ARHGEF38: variants seen among roughly 807,000 people sequenced by gnomAD.
ARHGEF38 encodes the protein Rho guanine nucleotide exchange factor 38.
Under a neutral mutation model 79.9 loss-of-function variants are expected in ARHGEF38, and 79 were observed. The ratio of observed to expected loss-of-function variants is 0.99; its 90% CI spans 0.82 to 1.19. The LOEUF is 1.19. Ranked by LOEUF, ARHGEF38 falls within the 50% of genes most tolerant of loss-of-function variation. The pLI, the probability that ARHGEF38 is intolerant of heterozygous loss-of-function variation, is 0.00. For missense variants in ARHGEF38, 962 were observed against 907.2 expected, an observed-to-expected ratio of 1.06 and a Z score of -0.78; for synonymous variants, 366 against 328.3, an observed-to-expected ratio of 1.11 and a Z score of -1.24.
intron 2 of ARHGEF38, among the ~76,000 whole-genome samples, chr4:105,608,498 A>C: frequency 6.6e-6 from 1 of 152,092 alleles, no homozygotes; most frequent in East Asian, 1.9e-4. Context: ...ACAAATATAC[A>C]ATGTGCAATG....
chr4:105,576,564 G>A (rs1444488504), intron 1 of ARHGEF38, among the ~76,000 whole-genome samples: 2 of 152,072 alleles, frequency 1.3e-5, no homozygotes, highest in African/African-American at 2.4e-5. Context: ...AAATCTAAGA[G>A]TCTTTTGAAG....
rs965862737 is a variant in ARHGEF38, at chr4:105,580,268, G to T, written c.197-8980G>T. ...GTGTCTTCTGCTAGCTTGGAGGTTG[G>T]TTTGCTCTTCCTTCTTTAGCTCTTT... is the stretch of plus-strand genomic sequence containing the variant. On this transcript the variant is annotated intron_variant, in intron 1 of 13. Transcript: ENST00000420470. Among the ~76,000 whole-genome samples, 9 of 152,148 alleles carry T rather than the reference G, an allele frequency of 5.9e-5. 1 individual carries two copies. The South Asian group carries it at 1.9e-3, about 32-fold the overall frequency.
chr4:105,607,586 T>G (rs1313188953), intron 2 of ARHGEF38, among the ~76,000 whole-genome samples: 1 of 152,024 alleles, frequency 6.6e-6, no homozygotes, highest in Non-Finnish European at 1.5e-5. Context: ...ATAAATAGAA[T>G]AGAATGGGCT....
At chr4:105,581,041 A>G (rs1726764409) in intron 1 of ARHGEF38, among the ~76,000 whole-genome samples, 1 of 152,084 alleles carries the variant, frequency 6.6e-6, no homozygotes, top group African/African-American at 2.4e-5. Context: ...ACTGTAAGGA[A>G]GAAGCATTAT....
rs143312795 is a variant in ARHGEF38 at position 105,652,932 on chromosome 4, C to A, written c.1009-1133C>A. ...GATACATTGAGTTCTAATATCAACC[C>A]TCTTAAATTTAAAAACAGATGAACC... On this transcript the variant is annotated intron_variant, in intron 7 of 13. Coordinates refer to ENST00000420470, the MANE Select transcript of ARHGEF38 (RefSeq NM_001242729.2). Among the ~76,000 whole-genome samples the A allele has an allele frequency of 2.6e-3, 394 of 152,190 alleles. 2 individuals are homozygous for A. The highest frequency in any genetic ancestry group is 8.9e-3 in the African/African-American group (370 of 41,518).
rs566367831 is a variant in ARHGEF38 at position 105,593,820 on chromosome 4, GT to G, written c.384+4387del. Among the ~76,000 whole-genome samples, 851 of 152,222 alleles carry G rather than the reference GT, an allele frequency of 5.6e-3. 11 individuals are homozygous for G. The highest frequency in any genetic ancestry group is 0.019 in the African/African-American group (796 of 41,538). On this transcript the variant is annotated intron_variant, in intron 2 of 13. Transcript: ENST00000420470. Reference sequence around the variant, plus strand: ...GCTTCCTATGAAACTCTTATAAGCAGTTCTCAGAATTGGTGTCTTAGACCAT... The same window carrying G: ...GCTTCCTATGAAACTCTTATAAGCAGTCTCAGAATTGGTGTCTTAGACCAT...
At position 105,597,784 on chromosome 4, in the gene ARHGEF38, G is replaced by A. The variant is rs532915976; in HGVS notation, c.384+8349G>A. Among the ~76,000 whole-genome samples, 31 of 152,290 alleles carry A rather than the reference G, an allele frequency of 2.0e-4. No individual in the cohort carries two copies. In the Middle Eastern group the frequency reaches 0.01, roughly 50 times the overall value. ...GGATGTTAGCCTTGGGGGAAACTTG[G>A]TAAAGGGTACATGGATCTCTCTGTT... On this transcript the variant is annotated intron_variant, in intron 2 of 13. Coordinates refer to ENST00000420470, the MANE Select transcript of ARHGEF38 (RefSeq NM_001242729.2).
intron 2 of ARHGEF38, among the ~76,000 whole-genome samples, chr4:105,591,331 C>G (rs1727324856): frequency 6.6e-6 from 1 of 152,136 alleles, no homozygotes; most frequent in Non-Finnish European, 1.5e-5. Context: ...CGGGTTCATG[C>G]CATTCTCCTG....
In ARHGEF38 at chr4:105,594,827, A is replaced by G. The variant is rs183967727; in HGVS notation, c.384+5392A>G. ...AACTCAGCAGTTACACATCTTCTTT[A>G]ATAGCAGCACTGTGAGAGGTTTTGC... is the stretch of plus-strand genomic sequence containing the variant. On this transcript the variant is annotated intron_variant, in intron 2 of 13. Transcript: ENST00000420470. 4.7e-3 allele frequency among the ~76,000 whole-genome samples: 714 copies of G among 152,308 alleles called. 6 individuals are homozygous for G. The highest frequency in any genetic ancestry group is 0.016 in the African/African-American group (664 of 41,568).
intron 4 of ARHGEF38, among the ~76,000 whole-genome samples, chr4:105,634,276 A>G (rs1273879384): frequency 1.3e-5 from 2 of 152,172 alleles, no homozygotes; most frequent in Non-Finnish European, 2.9e-5. Flanking sequence ...TATAGATACA[A>G]TCTAAGCAGT....
intron 13 of ARHGEF38, among the ~76,000 whole-genome samples, chr4:105,673,276 G>A (rs1043588586): frequency 4.6e-5 from 7 of 152,058 alleles, no homozygotes; most frequent in African/African-American, 1.2e-4. Context: ...TGTCTAAGAT[G>A]CCTTGTTTGG....
chr4:105,612,507 G>A (rs1400520311), intron 2 of ARHGEF38, among the ~76,000 whole-genome samples: 6 of 152,110 alleles, frequency 3.9e-5, no homozygotes, highest in Non-Finnish European at 8.8e-5. Context: ...GTTCCCTGAT[G>A]TAGCCCAGTA....
intron 13 of ARHGEF38, among the ~76,000 whole-genome samples, chr4:105,676,112 C>T (rs1389515392): frequency 6.6e-6 from 1 of 152,200 alleles, no homozygotes; most frequent in Non-Finnish European, 1.5e-5. Flanking sequence ...ACTTCAGCTA[C>T]AGCTATAGTC....
chr4:105,562,741 A>G (rs17584487), intron 1 of ARHGEF38, among the ~76,000 whole-genome samples: 15,078 of 152,210 alleles, frequency 0.099, 751 homozygotes, highest in Middle Eastern at 0.17. Flanking sequence ...GTAATGTAAC[A>G]AGGGCCTGAA....
At chr4:105,664,306 G>A (rs891410584) in intron 10 of ARHGEF38, among the ~76,000 whole-genome samples, 7 of 152,178 alleles carry the variant, frequency 4.6e-5, no homozygotes, top group African/African-American at 9.6e-5. Flanking sequence ...TTTGTCCTTC[G>A]CTCCCTTTAT....
At chr4:105,673,275 T>C (rs892392068) in intron 13 of ARHGEF38, among the ~76,000 whole-genome samples, 5 of 152,122 alleles carry the variant, frequency 3.3e-5, no homozygotes, top group Non-Finnish European at 5.9e-5. Flanking sequence ...GTGTCTAAGA[T>C]GCCTTGTTTG....
chr4:105,564,097 C>A (rs187027765), intron 1 of ARHGEF38, among the ~76,000 whole-genome samples: 2 of 152,162 alleles, frequency 1.3e-5, no homozygotes, highest in Non-Finnish European at 1.5e-5. Flanking sequence ...CTCCTCATTG[C>A]TTTTCATTTT....
intron 13 of ARHGEF38, among the ~76,000 whole-genome samples, chr4:105,668,887 A>G (rs1730862626): frequency 6.6e-6 from 1 of 152,072 alleles, no homozygotes; most frequent in Non-Finnish European, 1.5e-5. Flanking sequence ...TCTACTAAAA[A>G]TCAAAAAAAT....
chr4:105,572,436 C>T (rs1267203260), intron 1 of ARHGEF38, among the ~76,000 whole-genome samples: 2 of 152,096 alleles, frequency 1.3e-5, no homozygotes, highest in African/African-American at 4.8e-5. Flanking sequence ...TGTACAGTTC[C>T]GTGGCATTAA....
Sources: allele counts gnomAD v4.1 joint callset (sites outside exome capture counted in the v4.1 genomes callset), GRCh38; gene constraint gnomAD v4.1.1; transcripts MANE v1.5; gene names NCBI Gene and HGNC (gene_info 2026-07-23, HGNC 2026-07-21).